The following MCTP1 variants were observed in gnomAD, a reference collection of about 807,000 sequenced individuals.
MCTP1 encodes the protein multiple C2 and transmembrane domain containing 1.
A neutral mutation model predicts 120.6 loss-of-function variants in MCTP1; 69 were observed. The ratio of observed to expected loss-of-function variants is 0.57; its 90% CI spans 0.47 to 0.70. The LOEUF (loss-of-function observed/expected upper bound fraction) is 0.70, where lower values mean the gene tolerates loss of function less well. Among genes scored for constraint, MCTP1 ranks in the 30% least tolerant of loss-of-function variants. The pLI, the probability that MCTP1 is intolerant of heterozygous loss-of-function variation, is 0.00. For missense variants in MCTP1, 1,203 were observed against 1,248.8 expected (o/e 0.96, Z 0.55); for synonymous variants, 529 against 493.1 (o/e 1.07, Z -0.96).
intron 17 of MCTP1, chr5:94,867,045 G>T (rs1419624485): frequency 1.3e-5 from 4 of 316,840 alleles, no homozygotes; most frequent in East Asian, 6.2e-5. Context: ...CATAAAACCT[G>T]GAAGTAATAG....
chr5:94,995,944 A>G (rs1043778666), intron 2 of MCTP1, among the ~76,000 whole-genome samples: 1 of 152,200 alleles, frequency 6.6e-6, no homozygotes, highest in African/African-American at 2.4e-5. Flanking sequence ...ACTTTAAATC[A>G]AGACTTAAAG....
intron 12 of MCTP1, among the ~76,000 whole-genome samples, chr5:94,888,451 T>C (rs1447699390): frequency 6.6e-6 from 1 of 152,070 alleles, no homozygotes; most frequent in Non-Finnish European, 1.5e-5. Context: ...ATATCAAGAG[T>C]TGATACCAAG....
chr5:95,082,617 C>T (rs1016401510), intron 1 of MCTP1, among the ~76,000 whole-genome samples: 4 of 152,016 alleles, frequency 2.6e-5, no homozygotes, highest in African/African-American at 9.7e-5. Context: ...AGTAAAGAAA[C>T]ATTAATTTTA....
chr5:94,852,187 T>C (rs2153225095), intron 17 of MCTP1, among the ~76,000 whole-genome samples: 1 of 152,086 alleles, frequency 6.6e-6, no homozygotes, highest in Middle Eastern at 3.4e-3. Flanking sequence ...TAAAAATACT[T>C]TTGTTCCCAT....
intron 17 of MCTP1, among the ~76,000 whole-genome samples, chr5:94,800,360 G>T (rs1780961312): frequency 6.6e-6 from 1 of 152,184 alleles, no homozygotes; most frequent in Non-Finnish European, 1.5e-5. Flanking sequence ...CAGCCAGCTG[G>T]TTGGAATAAC....
chr5:95,119,095 C>G (rs1758021129), intron 1 of MCTP1, among the ~76,000 whole-genome samples: 1 of 152,198 alleles, frequency 6.6e-6, no homozygotes, highest in South Asian at 2.1e-4. Context: ...TTCTTTTCCA[C>G]AGCACATGGA....
At chr5:95,212,017 A>G (rs559755130) in intron 1 of MCTP1, among the ~76,000 whole-genome samples, 2 of 152,320 alleles carry the variant, frequency 1.3e-5, no homozygotes, top group South Asian at 2.1e-4. Flanking sequence ...AACCAAAATC[A>G]GAGGAGAACT....
chr5:95,105,889 C>A (rs192344276), intron 1 of MCTP1, among the ~76,000 whole-genome samples: 1 of 152,308 alleles, frequency 6.6e-6, no homozygotes, highest in East Asian at 1.9e-4. Context: ...GAGAATACAT[C>A]TTTTTCTCAC....
intron 17 of MCTP1, among the ~76,000 whole-genome samples, chr5:94,818,917 C>G (rs762803599): frequency 4.6e-5 from 7 of 152,200 alleles, no homozygotes; most frequent in African/African-American, 1.4e-4. Flanking sequence ...ATGGGAGGAA[C>G]TGAATTTGAC....
At chr5:95,241,589 G>T (rs938157503) in intron 1 of MCTP1, among the ~76,000 whole-genome samples, 2 of 152,100 alleles carry the variant, frequency 1.3e-5, no homozygotes, top group Admixed American at 6.6e-5. Context: ...TCTTACATTA[G>T]GCTGTTAGCA....
chr5:94,906,728 T>C (rs1195133908), intron 10 of MCTP1, among the ~76,000 whole-genome samples: 1 of 152,200 alleles, frequency 6.6e-6, no homozygotes, highest in African/African-American at 2.4e-5. Flanking sequence ...AACTAGTCTA[T>C]ATAGATAATG....
At chr5:94,717,089 T>A (rs1027471138) in intron 19 of MCTP1, among the ~76,000 whole-genome samples, 1 of 152,106 alleles carries the variant, frequency 6.6e-6, no homozygotes, top group African/African-American at 2.4e-5. Flanking sequence ...ACATCTGAGA[T>A]AGATAGCCAA....
intron 17 of MCTP1, among the ~76,000 whole-genome samples, chr5:94,809,249 G>GTT (rs967122816): frequency 2.1e-5 from 3 of 145,718 alleles, no homozygotes; most frequent in African/African-American, 7.5e-5. Flanking sequence ...TTATTTAAAT[G>GTT]TTTTTTTTTT....
At chr5:95,018,316 T>A (rs1837512830) in intron 1 of MCTP1, among the ~76,000 whole-genome samples, 1 of 152,092 alleles carries the variant, frequency 6.6e-6, no homozygotes, top group African/African-American at 2.4e-5. Flanking sequence ...TAATTTAAAT[T>A]CTTATAATTT....
intron 4 of MCTP1, among the ~76,000 whole-genome samples, chr5:94,940,830 C>T (rs1406906324): frequency 6.6e-6 from 1 of 151,286 alleles, no homozygotes; most frequent in Non-Finnish European, 1.5e-5. Flanking sequence ...CAATGTATTA[C>T]ATAGTATAAT....
chr5:95,241,930 C>G (rs182586564), intron 1 of MCTP1, among the ~76,000 whole-genome samples: 109 of 152,258 alleles, frequency 7.2e-4, no homozygotes, highest in African/African-American at 2.6e-3. Flanking sequence ...GAACCACAGT[C>G]TCTCACTGAG....
At chr5:94,889,788 C>T (rs547484735) in intron 11 of MCTP1, among the ~76,000 whole-genome samples, 2 of 127,522 alleles carry the variant, frequency 1.6e-5, no homozygotes, top group South Asian at 2.7e-4. Flanking sequence ...ACACACCCCT[C>T]TATGTGGATA....
chr5:95,014,108 A>T (rs1171432993), intron 2 of MCTP1, among the ~76,000 whole-genome samples: 1 of 151,872 alleles, frequency 6.6e-6, no homozygotes, highest in Non-Finnish European at 1.5e-5. Context: ...CAAAAAAAAG[A>T]AAAAAAATAG....
chr5:94,892,839 A>G (rs1033525797), intron 11 of MCTP1, among the ~76,000 whole-genome samples: 1 of 152,246 alleles, frequency 6.6e-6, no homozygotes, highest in African/African-American at 2.4e-5. Flanking sequence ...CAGAAATGAT[A>G]TGGCATTCAT....
Sources: allele counts gnomAD v4.1 joint callset (sites outside exome capture counted in the v4.1 genomes callset), GRCh38; gene constraint gnomAD v4.1.1; transcripts MANE v1.5; gene names NCBI Gene and HGNC (gene_info 2026-07-23, HGNC 2026-07-21).